The following CADPS variants were observed in gnomAD, a reference collection of about 807,000 sequenced individuals.
CADPS encodes the protein calcium-dependent secretion activator 1.
CADPS carries 57 observed loss-of-function variants against 167.3 expected under a neutral mutation model. That is an observed-to-expected ratio of 0.34 (90% CI 0.28 to 0.42). The LOEUF is 0.42. Ranked by LOEUF, CADPS falls within the 20% of genes least tolerant of loss-of-function variation. The pLI is 1.00. For missense variants in CADPS, 1,414 were observed against 1,738.1 expected (o/e 0.81, Z 3.32); for synonymous variants, 676 against 635.3 (o/e 1.06, Z -0.96).
chr3:62,705,141 C>A, intron 3 of CADPS, among the ~76,000 whole-genome samples: 1 of 152,086 alleles, frequency 6.6e-6, no homozygotes, highest in East Asian at 1.9e-4. Flanking sequence ...TTTGCTGTGC[C>A]CTCACTTGAT....
chr3:62,874,777 C>T lies in CADPS; in HGVS notation c.253G>A (p.Gly85Ser), dbSNP rs2083355038. 5.6e-6 allele frequency: 8 copies of T among 1,430,416 alleles called. No homozygotes were observed. The highest frequency in any genetic ancestry group is 1.5e-5 in the African/African-American group (1 of 68,630). The allele number at this position is 1,430,416 out of a possible 1,614,324, so 88.6% of individuals were successfully genotyped here. ...CTGGGGCTGGAGGGCCGGCCGCCGC[C>T]AGCGCGGCTGCTGGGTTGCAGCCCC... ...AGGLQPSSRA[G>S]GGRPSSPSPS... The change falls in exon 1 of 30, where the codon GGC (glycine) becomes AGC (serine). Residue 85 changes from glycine to serine, a missense_variant. Transcript: ENST00000383710. This position sits in a 1 kb window ranked among gnomAD's most constrained non-coding sequence, Gnocchi z 7.1.
intron 6 of CADPS, among the ~76,000 whole-genome samples, chr3:62,615,193 T>A (rs1389105511): frequency 1.3e-5 from 2 of 152,110 alleles, no homozygotes; most frequent in African/African-American, 4.8e-5. Context: ...GCAAGACAGG[T>A]CTTGGTCTCC....
intron 10 of CADPS, among the ~76,000 whole-genome samples, chr3:62,556,423 G>A (rs2078156950): frequency 6.6e-6 from 1 of 152,308 alleles, no homozygotes; most frequent in African/African-American, 2.4e-5. Context: ...TTTCAGGTTA[G>A]CACCCCATCT....
At chr3:62,474,470 C>A (rs1243991922) in intron 23 of CADPS, 150 bp from the exon 24 acceptor site, 10 of 691,828 alleles carry the variant, frequency 1.4e-5, no homozygotes, top group Non-Finnish European at 2.4e-5. Flanking sequence ...TTTTAAATGA[C>A]TTTCCCAACT....
At position 62,438,031 on chromosome 3, in the gene CADPS, T is replaced by C; in HGVS notation, c.3777+73A>G. The C allele has an allele frequency of 1.0e-6, 1 of 967,622 alleles. No homozygotes were observed. Among genetic ancestry groups the C allele is most frequent in the Non-Finnish European group, 1.6e-6 (1 of 611,228 alleles). The allele number at this position is 967,622 out of a possible 1,614,324, so 59.9% of individuals were successfully genotyped here. A position where few individuals can be genotyped will look rare whatever the true frequency, so the allele number is the denominator to read the frequency against. On this transcript the variant is annotated intron_variant, in intron 28 of 29. Transcript: ENST00000383710. The surrounding 1 kb of genome is among the most constrained non-coding windows in gnomAD (Gnocchi z 4.7). ...CATTTTCTCAAAATGTGACTTATCC[T>C]CCTGTCTCTTATTTTGTCACATTTT...
chr3:62,467,534 G>A (rs1361179386), intron 24 of CADPS, among the ~76,000 whole-genome samples: 1 of 152,136 alleles, frequency 6.6e-6, no homozygotes, highest in Non-Finnish European at 1.5e-5. Context: ...AATCCATTTA[G>A]AATCATAGGC....
intron 27 of CADPS, among the ~76,000 whole-genome samples, chr3:62,444,320 A>T (rs140590962): frequency 7.2e-5 from 11 of 152,288 alleles, no homozygotes; most frequent in Non-Finnish European, 1.5e-4. Flanking sequence ...CACTACCACC[A>T]CCACGTGTGT....
At chr3:62,855,091 A>AGTTTT (rs778657325) in intron 1 of CADPS, among the ~76,000 whole-genome samples, 7 of 92,702 alleles carry the variant, frequency 7.6e-5, no homozygotes, top group African/African-American at 2.1e-4. Context: ...TGCCCGGCTA[A>AGTTTT]TTTTTTTTTT....
intron 21 of CADPS, among the ~76,000 whole-genome samples, chr3:62,484,635 C>T (rs2150925838): frequency 6.6e-6 from 1 of 152,242 alleles, no homozygotes; most frequent in Non-Finnish European, 1.5e-5. Context: ...GGTTTAGAAA[C>T]ATTCTCATCT....
At chr3:62,837,106 G>A (rs1054552766) in intron 1 of CADPS, among the ~76,000 whole-genome samples, 2 of 152,146 alleles carry the variant, frequency 1.3e-5, no homozygotes, top group African/African-American at 4.8e-5. Flanking sequence ...TAATAAATAT[G>A]TTAATATTGA....
At chr3:62,747,691 C>T (rs580384) in intron 3 of CADPS, among the ~76,000 whole-genome samples, 134,903 of 152,220 alleles carry the variant, frequency 0.89, 59,881 homozygotes, top group Middle Eastern at 0.92. Context: ...AATCAAGTTT[C>T]CTGATTTCTT....
chr3:62,547,899 A>G (rs1398925519), intron 11 of CADPS, among the ~76,000 whole-genome samples: 2 of 152,092 alleles, frequency 1.3e-5, no homozygotes, highest in Non-Finnish European at 2.9e-5. Context: ...CCTTCATCTT[A>G]TACTAGTGAG....
At chr3:62,524,586 G>A (rs2071583279) in intron 13 of CADPS, among the ~76,000 whole-genome samples, 1 of 152,122 alleles carries the variant, frequency 6.6e-6, no homozygotes, top group African/African-American at 2.4e-5. Flanking sequence ...ACACCAGTGA[G>A]GACTGTCTTG....
Position 62,753,021 on chromosome 3 carries a change from A to G in CADPS, c.888+420T>C, listed in dbSNP as rs1055825798. 6.6e-6 allele frequency among the ~76,000 whole-genome samples: 1 copy of G among 152,212 alleles called. No homozygotes were observed. Among genetic ancestry groups the G allele is most frequent in the Non-Finnish European group, 1.5e-5 (1 of 68,040 alleles). On this transcript the variant is annotated intron_variant, in intron 3 of 29. Coordinates refer to ENST00000383710, the MANE Select transcript of CADPS (RefSeq NM_003716.4). This position sits in a 1 kb window ranked among gnomAD's most constrained non-coding sequence, Gnocchi z 4.6. ...TTTTGCAAGCTTTCCATTTTAAAAA[A>G]TTATTCTTGACAGGCAGGTGCTAAG...
intron 26 of CADPS, 90 bp from the exon 27 acceptor site, chr3:62,445,887 A>G: frequency 1.2e-6 from 1 of 866,186 alleles, no homozygotes. Flanking sequence ...GAATCAAAAC[A>G]ACATGCTGGC....
intron 20 of CADPS, among the ~76,000 whole-genome samples, chr3:62,491,757 CA>C (rs1439086845): frequency 6.6e-6 from 1 of 152,034 alleles, no homozygotes; most frequent in Non-Finnish European, 1.5e-5. Context: ...ACAACAGAAA[CA>C]ACAATCCACA....
intron 5 of CADPS, among the ~76,000 whole-genome samples, chr3:62,646,415 G>A (rs1183237838): frequency 2.6e-5 from 4 of 151,578 alleles, no homozygotes; most frequent in Admixed American, 6.6e-5. Context: ...CAGGCACTAC[G>A]CCCGCCTCAG....
chr3:62,561,052 C>G (rs2079059308), intron 9 of CADPS, among the ~76,000 whole-genome samples: 1 of 122,062 alleles, frequency 8.2e-6, no homozygotes, highest in African/African-American at 3.2e-5. Flanking sequence ...GCACTCCAGC[C>G]TGGGAGAAAG....
intron 3 of CADPS, among the ~76,000 whole-genome samples, chr3:62,723,898 G>C (rs898552615): frequency 6.6e-6 from 1 of 152,206 alleles, no homozygotes; most frequent in Non-Finnish European, 1.5e-5. Context: ...GGAGGCCTTG[G>C]AGAGGCTTTG....
Sources: gnomAD v4.1 joint callset for allele counts (sites outside exome capture counted in the v4.1 genomes callset) on GRCh38, gnomAD v4.1.1 for gene constraint, Gnocchi (gnomAD v3.1) non-coding constraint, MANE v1.5 for transcripts, NCBI Gene and HGNC (gene_info 2026-07-23, HGNC 2026-07-21) for gene names.